DLGAP2: variants seen among roughly 807,000 people sequenced by gnomAD.
DLGAP2 encodes the protein disks large-associated protein 2.
In DLGAP2, 26 loss-of-function variants were observed where a neutral mutation model predicts 100.3. The observed-to-expected ratio is 0.26, with a 90% CI of 0.19 to 0.36. DLGAP2 has a LOEUF of 0.36. Ranked by LOEUF, DLGAP2 falls within the 10% of genes least tolerant of loss-of-function variation. The pLI, the probability that DLGAP2 is intolerant of heterozygous loss-of-function variation, is 1.00. For synonymous variants in DLGAP2, 886 were observed against 630.1 expected (o/e 1.41, Z -6.08); for missense variants, 1,858 against 1,453.2 (o/e 1.28, Z -4.53).
intron 1 of DLGAP2, among the ~76,000 whole-genome samples, chr8:860,008 A>G (rs1797359734): frequency 6.6e-6 from 1 of 152,212 alleles, no homozygotes; most frequent in African/African-American, 2.4e-5. Context: ...TAAAAAGTAG[A>G]TTAAAGTTAC....
At chr8:1,641,977 G>GCCCTCACCTGTGTCACCC (rs1797919077) in intron 8 of DLGAP2, among the ~76,000 whole-genome samples, 1 of 65,042 alleles carries the variant, frequency 1.5e-5, no homozygotes, top group Admixed American at 1.5e-4. Context: ...GACCCCGCCG[G>GCCCTCACCTGTGTCACCC]TCCCCACCTG....
intron 1 of DLGAP2, among the ~76,000 whole-genome samples, chr8:766,611 G>GC (rs1821222552): frequency 6.6e-6 from 1 of 152,166 alleles, no homozygotes; most frequent in Non-Finnish European, 1.5e-5. Context: ...CTCTGGGCAA[G>GC]CACGCACATG....
intron 3 of DLGAP2, among the ~76,000 whole-genome samples, chr8:1,497,528 GGAGA>G (rs375563068): frequency 4.5e-4 from 68 of 152,348 alleles, no homozygotes; most frequent in African/African-American, 1.4e-3. Context: ...GAGGAGGCCA[GGAGA>G]GAGAGATCTA....
At chr8:1,237,011 G>C (rs1178985350) in intron 2 of DLGAP2, among the ~76,000 whole-genome samples, 42 of 134,052 alleles carry the variant, frequency 3.1e-4, no homozygotes, top group African/African-American at 1.2e-3. Flanking sequence ...GTCATGTCTA[G>C]TTCTGTCTCA....
chr8:931,070 G>A (rs1289466733), intron 2 of DLGAP2, among the ~76,000 whole-genome samples: 1 of 152,142 alleles, frequency 6.6e-6, no homozygotes, highest in African/African-American at 2.4e-5. Context: ...GCAGTAAAAG[G>A]GAGGATTTTT....
chr8:1,564,196 G>A (rs1221591006), intron 5 of DLGAP2, among the ~76,000 whole-genome samples: 2 of 152,168 alleles, frequency 1.3e-5, no homozygotes, highest in African/African-American at 4.8e-5. Context: ...GAGCCTCTGG[G>A]GAGCTGTTCA....
At chr8:1,315,146 C>G (rs546798962) in intron 3 of DLGAP2, among the ~76,000 whole-genome samples, 3 of 152,224 alleles carry the variant, frequency 2.0e-5, no homozygotes, top group Non-Finnish European at 2.9e-5. Flanking sequence ...GTAAAGCTTC[C>G]TGGAGAAAGT....
At chr8:1,156,946 T>G (rs1796803283) in intron 2 of DLGAP2, among the ~76,000 whole-genome samples, 1 of 152,124 alleles carries the variant, frequency 6.6e-6, no homozygotes, top group African/African-American at 2.4e-5. Context: ...CTTGAGTTCC[T>G]TGTCTTCACC....
chr8:1,007,396 G>T (rs1801150234), intron 2 of DLGAP2, among the ~76,000 whole-genome samples: 1 of 152,232 alleles, frequency 6.6e-6, no homozygotes, highest in African/African-American at 2.4e-5. Flanking sequence ...AGGAAGACCA[G>T]CATTTTCCTG....
chr8:1,130,809 C>T (rs1796276818), intron 2 of DLGAP2, among the ~76,000 whole-genome samples: 1 of 140,464 alleles, frequency 7.1e-6, no homozygotes, highest in Non-Finnish European at 1.6e-5. Context: ...AGCTCTGCAG[C>T]GGCTGGGCTG....
chr8:1,605,576 C>A (rs965129880), intron 6 of DLGAP2, among the ~76,000 whole-genome samples: 3 of 152,296 alleles, frequency 2.0e-5, no homozygotes, highest in Admixed American at 1.3e-4. Context: ...AGGATGAAAT[C>A]TTTTCAATTA....
chr8:1,672,629 A>G (rs1798719288), intron 10 of DLGAP2, among the ~76,000 whole-genome samples: 1 of 152,200 alleles, frequency 6.6e-6, no homozygotes, highest in Non-Finnish European at 1.5e-5. Flanking sequence ...CCTGCCTGTG[A>G]TAAAAGTGTC....
intron 2 of DLGAP2, among the ~76,000 whole-genome samples, chr8:1,213,150 T>A (rs1192090188): frequency 3.3e-5 from 5 of 152,148 alleles, no homozygotes; most frequent in Non-Finnish European, 7.4e-5. Flanking sequence ...TCAAGTCACG[T>A]CATGATTTCC....
At chr8:1,132,143 C>T (rs988891496) in intron 2 of DLGAP2, among the ~76,000 whole-genome samples, 1 of 152,114 alleles carries the variant, frequency 6.6e-6, no homozygotes, top group Non-Finnish European at 1.5e-5. Context: ...AACAAGCCAA[C>T]CTTATTTGAG....
At chr8:1,206,115 G>A (rs867207196) in intron 2 of DLGAP2, among the ~76,000 whole-genome samples, 1 of 152,336 alleles carries the variant, frequency 6.6e-6, no homozygotes, top group East Asian at 1.9e-4. Flanking sequence ...CACCCAAGGT[G>A]ATGTTACTGT....
At chr8:1,478,489 A>T (rs556764759) in intron 3 of DLGAP2, among the ~76,000 whole-genome samples, 33 of 152,088 alleles carry the variant, frequency 2.2e-4, no homozygotes, top group African/African-American at 8.0e-4. Flanking sequence ...GATTCTGGCC[A>T]CTCTTGCTCC....
intron 8 of DLGAP2, among the ~76,000 whole-genome samples, chr8:1,646,577 A>G (rs1200277928): frequency 2.6e-5 from 4 of 152,236 alleles, no homozygotes; most frequent in Non-Finnish European, 4.4e-5. Context: ...AATTCTCACC[A>G]TCAGCTCTTC....
chr8:897,696 C>A (rs1311705743), intron 1 of DLGAP2, among the ~76,000 whole-genome samples: 1 of 152,210 alleles, frequency 6.6e-6, no homozygotes, highest in East Asian at 1.9e-4. Flanking sequence ...CGCCCCTCCC[C>A]CTCCCCACGG....
At chr8:1,189,083 G>C (rs113634673) in intron 2 of DLGAP2, among the ~76,000 whole-genome samples, 4 of 138,190 alleles carry the variant, frequency 2.9e-5, no homozygotes, top group African/African-American at 1.2e-4. Flanking sequence ...CCCCAGGCCG[G>C]TTCCGCGGTT....
Sources: allele counts gnomAD v4.1 joint callset (sites outside exome capture counted in the v4.1 genomes callset), GRCh38; gene constraint gnomAD v4.1.1; transcripts MANE v1.5; gene names NCBI Gene and HGNC (gene_info 2026-07-23, HGNC 2026-07-21).